Variants in TRPM3 observed in about 807,000 individuals in gnomAD.
The protein encoded by TRPM3 is transient receptor potential cation channel subfamily M member 3.
In TRPM3, 77 loss-of-function variants were observed where a neutral mutation model predicts 181.2. The ratio of observed to expected loss-of-function variants is 0.42; its 90% CI spans 0.35 to 0.51. The LOEUF is 0.51. TRPM3 is among the 20% of genes least tolerant of loss of function. The pLI, the probability that TRPM3 is intolerant of heterozygous loss-of-function variation, is 0.01. For missense variants in TRPM3, 1,759 were observed against 2,196.7 expected (o/e 0.80, Z 3.98); for synonymous variants, 745 against 796.4 (o/e 0.94, Z 1.09).
chr9:70,803,053 A>C (rs1331557270), intron 6 of TRPM3, among the ~76,000 whole-genome samples: 2 of 125,756 alleles, frequency 1.6e-5, no homozygotes, highest in Non-Finnish European at 3.0e-5. Context: ...AAAAAAAAAA[A>C]AAAAAACAAA....
In TRPM3 at chr9:70,640,429, T is replaced by C. The variant is rs1043323019; in HGVS notation, c.1446+131A>G. On this transcript the variant is annotated intron_variant, in intron 10 of 25. Coordinates refer to ENST00000677713, the MANE Select transcript of TRPM3 (RefSeq NM_001366145.2). ...GAGAAAGGGAGCTCAGGATACAGAC[T>C]TTGCTACCAAGGAACACATTCCATC... The C allele has an allele frequency of 4.7e-6, 3 of 642,856 alleles. No individual in the cohort carries two copies. In the African/African-American group the frequency reaches 5.5e-5, roughly 12 times the overall value. The allele number at this position is 642,856 out of a possible 1,614,324, so 39.8% of individuals were successfully genotyped here.
intron 20 of TRPM3, among the ~76,000 whole-genome samples, chr9:70,602,409 G>A (rs1331149000): frequency 6.6e-6 from 1 of 151,950 alleles, no homozygotes; most frequent in Admixed American, 6.6e-5. Flanking sequence ...TTTTCCTATG[G>A]TGCCCAGTAT....
chr9:71,108,038 A>G (rs1249587841), intron 1 of TRPM3, among the ~76,000 whole-genome samples: 1 of 152,212 alleles, frequency 6.6e-6, no homozygotes, highest in Non-Finnish European at 1.5e-5. Context: ...GGACATCTGA[A>G]CACATCCTGC....
chr9:70,535,352 T>G lies in TRPM3; in HGVS notation c.*601A>C, dbSNP rs2041485343. 3 of 1,494,190 alleles carry G rather than the reference T, an allele frequency of 2.0e-6. No homozygotes were observed. The African/African-American group carries it at 4.2e-5, about 21-fold the overall frequency. 92.6% of individuals were successfully genotyped at this position (1,494,190 alleles called of 1,614,324 possible). On this transcript the variant is annotated 3_prime_UTR_variant, in exon 26 of 26. Coordinates refer to ENST00000677713, the MANE Select transcript of TRPM3 (RefSeq NM_001366145.2). ...TGAACTATGACTGTTACCTTGTTTT[T>G]TCTTTATAATGATCAATTACAGAAG...
intron 1 of TRPM3, among the ~76,000 whole-genome samples, chr9:71,160,566 T>C (rs1246206672): frequency 6.6e-6 from 1 of 152,164 alleles, no homozygotes; most frequent in South Asian, 2.1e-4. Flanking sequence ...TCAGAACATA[T>C]TTGTATCTAA....
At chr9:71,173,383 A>G (rs2076956690) in intron 1 of TRPM3, among the ~76,000 whole-genome samples, 1 of 152,240 alleles carries the variant, frequency 6.6e-6, no homozygotes, top group South Asian at 2.1e-4. Context: ...CTATTAATAC[A>G]CTGGAAAGGA....
chr9:71,182,939 G>A (rs2077482315), intron 1 of TRPM3, among the ~76,000 whole-genome samples: 1 of 152,106 alleles, frequency 6.6e-6, no homozygotes, highest in African/African-American at 2.4e-5. Flanking sequence ...TGGGATTACA[G>A]GCATGAGCCA....
chr9:71,415,482 G>C (rs565246919), intron 1 of TRPM3, among the ~76,000 whole-genome samples: 1 of 151,988 alleles, frequency 6.6e-6, no homozygotes, highest in Admixed American at 6.6e-5. Context: ...AACCTAAAGA[G>C]AACAACTTTT....
intron 1 of TRPM3, among the ~76,000 whole-genome samples, chr9:70,958,926 T>C (rs917362697): frequency 6.7e-6 from 1 of 149,986 alleles, no homozygotes; most frequent in African/African-American, 2.5e-5. Flanking sequence ...ACACTGCATG[T>C]TCTCACTCAT....
intron 1 of TRPM3, among the ~76,000 whole-genome samples, chr9:71,358,116 A>T (rs903463153): frequency 2.0e-5 from 3 of 152,178 alleles, no homozygotes; most frequent in African/African-American, 7.2e-5. Context: ...TATGCCAGTC[A>T]TTTTATCTTC....
intron 1 of TRPM3, among the ~76,000 whole-genome samples, chr9:71,345,952 C>T (rs183140096): frequency 1.4e-4 from 21 of 152,238 alleles, no homozygotes; most frequent in Non-Finnish European, 2.9e-4. Flanking sequence ...CTTAACCTTA[C>T]CAATAGTATG....
chr9:71,364,244 AT>A (rs1223679020), intron 1 of TRPM3, among the ~76,000 whole-genome samples: 1 of 152,150 alleles, frequency 6.6e-6, no homozygotes, highest in African/African-American at 2.4e-5. Flanking sequence ...AAGCCTTAAT[AT>A]TTTTATTCGC....
intron 22 of TRPM3, among the ~76,000 whole-genome samples, chr9:70,559,018 C>T (rs552827396): frequency 7.9e-5 from 12 of 152,212 alleles, no homozygotes; most frequent in Non-Finnish European, 1.5e-4. Flanking sequence ...TAAGAAAGCC[C>T]TCCCTATAGA....
intron 1 of TRPM3, among the ~76,000 whole-genome samples, chr9:71,144,501 C>T (rs111255124): frequency 6.6e-6 from 1 of 152,162 alleles, no homozygotes; most frequent in East Asian, 1.9e-4. Flanking sequence ...AGAAGAATAT[C>T]GTGAGATTTG....
At chr9:70,609,411 A>ACAT (rs1237491723) in intron 19 of TRPM3, among the ~76,000 whole-genome samples, 5 of 152,196 alleles carry the variant, frequency 3.3e-5, no homozygotes, top group Non-Finnish European at 5.9e-5. Flanking sequence ...CTCACTGAAA[A>ACAT]CATCTAATAT....
chr9:70,947,646 T>TG (rs1275276296), intron 1 of TRPM3, among the ~76,000 whole-genome samples: 2 of 151,926 alleles, frequency 1.3e-5, no homozygotes, highest in African/African-American at 4.8e-5. Flanking sequence ...TCAGAGAAGG[T>TG]GGGGGGATGG....
intron 6 of TRPM3, chr9:70,809,937 C>T (rs979086138): frequency 3.7e-6 from 2 of 533,786 alleles, no homozygotes; most frequent in Non-Finnish European, 7.7e-6. Context: ...CATGGTTATC[C>T]CAATGCATTT....
chr9:71,267,502 G>A (rs769198129), intron 1 of TRPM3, among the ~76,000 whole-genome samples: 1 of 151,982 alleles, frequency 6.6e-6, no homozygotes, highest in African/African-American at 2.4e-5. Context: ...AAGTACTTTG[G>A]GTTGCAGCTC....
chr9:71,400,203 C>T (rs901844913), intron 1 of TRPM3, among the ~76,000 whole-genome samples: 7 of 152,088 alleles, frequency 4.6e-5, no homozygotes, highest in African/African-American at 7.2e-5. Flanking sequence ...TCAAGCAATC[C>T]ACGCACCTCA....
Sources: gnomAD v4.1 joint callset for allele counts (sites outside exome capture counted in the v4.1 genomes callset) on GRCh38, gnomAD v4.1.1 for gene constraint, MANE v1.5 for transcripts, NCBI Gene and HGNC (gene_info 2026-07-23, HGNC 2026-07-21) for gene names.